TVP23A: variants seen among roughly 807,000 people sequenced by gnomAD.
TVP23A encodes the protein trans-golgi network vesicle protein 23 homolog A.
TVP23A carries 21 observed loss-of-function variants against 31.7 expected under a neutral mutation model. The ratio of observed to expected loss-of-function variants is 0.66; its 90% CI spans 0.47 to 0.95. The LOEUF is 0.95. Ranked by LOEUF, TVP23A falls within the 40% of genes least tolerant of loss-of-function variation. The pLI is 0.00. For synonymous variants in TVP23A, 104 were observed against 96.0 expected (o/e 1.08, Z -0.49); for missense variants, 279 against 255.6 (o/e 1.09, Z -0.62).
chr16:10,772,463 G>C (rs1298443406), intron 5 of TVP23A, among the ~76,000 whole-genome samples: 1 of 152,078 alleles, frequency 6.6e-6, no homozygotes, highest in Non-Finnish European at 1.5e-5. Context: ...TCCGCCTCCT[G>C]GGTTCAAGCG....
downstream of TVP23A, among the ~76,000 whole-genome samples, chr16:10,765,615 G>A (rs2030764059): frequency 6.6e-6 from 1 of 152,196 alleles, no homozygotes; most frequent in African/African-American, 2.4e-5. This position sits in a 1 kb window ranked among gnomAD's most constrained non-coding sequence, Gnocchi z 4.0. Context: ...AGTGACCTTG[G>A]GGCTATTAGA....
At position 10,773,005 on chromosome 16, in the gene TVP23A, G is replaced by C. The variant is rs546081922; in HGVS notation, c.453+308C>G. Among the ~76,000 whole-genome samples, 7 of 152,116 alleles carry C rather than the reference G, an allele frequency of 4.6e-5. No homozygotes were observed. In the East Asian group the frequency reaches 1.4e-3, roughly 29 times the overall value. On this transcript the variant is annotated intron_variant, in intron 5 of 7. Coordinates refer to ENST00000299866, the MANE Select transcript of TVP23A (RefSeq NM_001079512.4). ...TCAAGCGTGCACACCATCATGCCTG[G>C]CTAATTTTTGCATTTTTTGCAGAGA...
chr16:10,759,464 T>G (rs1900792569), downstream of TVP23A, among the ~76,000 whole-genome samples: 1 of 152,170 alleles, frequency 6.6e-6, no homozygotes, highest in Non-Finnish European at 1.5e-5. The surrounding 1 kb of genome is among the most constrained non-coding windows in gnomAD (Gnocchi z 4.7). Context: ...TAGGAATGTT[T>G]TCTGTCCCAT....
intron 2 of TVP23A, among the ~76,000 whole-genome samples, chr16:10,794,365 C>G (rs996945413): frequency 1.3e-5 from 2 of 152,210 alleles, no homozygotes; most frequent in African/African-American, 4.8e-5. Flanking sequence ...AGACCCCAGT[C>G]ATACTGGATT....
chr16:10,803,502 G>T (rs2033807146), intron 2 of TVP23A, among the ~76,000 whole-genome samples: 1 of 152,082 alleles, frequency 6.6e-6, no homozygotes. Flanking sequence ...GAGTGGTTTC[G>T]ACCCAGTGTG....
At chr16:10,816,669 C>T (rs1214295891) in intron 2 of TVP23A, among the ~76,000 whole-genome samples, 1 of 151,822 alleles carries the variant, frequency 6.6e-6, no homozygotes, top group African/African-American at 2.4e-5. Context: ...CAAAGGTTAT[C>T]CTAGATTATC....
At chr16:10,789,962 G>C (rs1001124509) in intron 2 of TVP23A, among the ~76,000 whole-genome samples, 6 of 152,186 alleles carry the variant, frequency 3.9e-5, no homozygotes, top group African/African-American at 1.4e-4. Context: ...AAATTTTCTG[G>C]TTGACAATTG....
chr16:10,818,082 C>G lies in TVP23A; in HGVS notation c.89+21G>C. 1.9e-6 allele frequency: 3 copies of G among 1,596,908 alleles called. No homozygotes were observed. Among genetic ancestry groups the G allele is most frequent in the Non-Finnish European group, 1.7e-6 (2 of 1,170,420 alleles). On this transcript the variant is annotated intron_variant, in intron 2 of 7. Coordinates refer to ENST00000299866, the MANE Select transcript of TVP23A (RefSeq NM_001079512.4). The surrounding 1 kb of genome is among the most constrained non-coding windows in gnomAD (Gnocchi z 4.7). ...TTTGCAGCTTTGGGGAACGCCTGAC[C>G]CAAGCTCCATCCCAACACACCTGAT...
intron 2 of TVP23A, among the ~76,000 whole-genome samples, chr16:10,790,781 T>G (rs556009954): frequency 2.0e-5 from 3 of 152,314 alleles, no homozygotes; most frequent in African/African-American, 7.2e-5. Context: ...AGTCCTCAAA[T>G]GTAGTTTGCG....
intron 2 of TVP23A, among the ~76,000 whole-genome samples, chr16:10,790,279 A>ATT (rs376916439): frequency 0.028 from 3,180 of 114,446 alleles, 83 homozygotes; most frequent in African/African-American, 0.051. Flanking sequence ...TTGGGGTAAA[A>ATT]TTTTTTTTTT....
chr16:10,796,533 C>T (rs911145200), intron 2 of TVP23A, among the ~76,000 whole-genome samples: 2 of 152,076 alleles, frequency 1.3e-5, no homozygotes, highest in African/African-American at 4.8e-5. Context: ...CCCGGGTTCA[C>T]ACCATTCTCC....
intron 2 of TVP23A, among the ~76,000 whole-genome samples, chr16:10,799,002 C>G (rs1008063968): frequency 7.9e-5 from 12 of 152,268 alleles, no homozygotes; most frequent in Admixed American, 7.8e-4. Flanking sequence ...CTCATTCTCC[C>G]TAGGGCAAGC....
At chr16:10,771,618 A>C (rs2031627334) in intron 6 of TVP23A, 52 bp downstream of exon 6, 1 of 1,603,640 alleles carries the variant, frequency 6.2e-7, no homozygotes, top group Non-Finnish European at 8.5e-7. Context: ...GGCCACCTTG[A>C]CTTTGACTAC....
chr16:10,818,304 G>C lies in TVP23A; in HGVS notation c.10-122C>G, dbSNP rs1305967362. Reference sequence around the variant, plus strand: ...CACCGGGTTCCCAAGTGGACCCTCCGAGCTGGCGGGGCCCCTCCGCTGCGG... The same window carrying C: ...CACCGGGTTCCCAAGTGGACCCTCCCAGCTGGCGGGGCCCCTCCGCTGCGG... On this transcript the variant is annotated intron_variant, in intron 1 of 7. Coordinates refer to ENST00000299866, the MANE Select transcript of TVP23A (RefSeq NM_001079512.4). This position sits in a 1 kb window ranked among gnomAD's most constrained non-coding sequence, Gnocchi z 4.7. 2 of 1,087,702 alleles carry C rather than the reference G, an allele frequency of 1.8e-6. No individual in the cohort carries two copies. The highest frequency in any genetic ancestry group is 2.5e-6 in the Non-Finnish European group (2 of 803,018). 67.4% of individuals were successfully genotyped at this position (1,087,702 alleles called of 1,614,324 possible).
At chr16:10,815,394 A>G (rs1179138050) in intron 2 of TVP23A, among the ~76,000 whole-genome samples, 1 of 152,234 alleles carries the variant, frequency 6.6e-6, no homozygotes, top group Non-Finnish European at 1.5e-5. Context: ...CGTGGGTGAC[A>G]GTGAGACTCC....
At chr16:10,795,620 T>C (rs2033346431) in intron 2 of TVP23A, among the ~76,000 whole-genome samples, 1 of 152,172 alleles carries the variant, frequency 6.6e-6, no homozygotes, top group African/African-American at 2.4e-5. Flanking sequence ...CTCATTACTT[T>C]GAAAACTGAG....
rs957155016 is a variant in TVP23A, at chr16:10,777,911, T to C, written c.90-2815A>G. Among the ~76,000 whole-genome samples, 2 of 152,142 alleles carry C rather than the reference T, an allele frequency of 1.3e-5. No homozygotes were observed. The highest frequency in any genetic ancestry group is 1.9e-4 in the East Asian group (1 of 5,188). ...CTGTAGTCCCAGCTACTCGGGACGCTGAGGCAGGAGAATTGCTTGAATCTG... is the reference window on the plus strand; with the variant it reads ...CTGTAGTCCCAGCTACTCGGGACGCCGAGGCAGGAGAATTGCTTGAATCTG... On this transcript the variant is annotated intron_variant, in intron 2 of 7. Coordinates refer to ENST00000299866, the MANE Select transcript of TVP23A (RefSeq NM_001079512.4). This position sits in a 1 kb window ranked among gnomAD's most constrained non-coding sequence, Gnocchi z 4.5.
At chr16:10,804,549 A>G (rs1465955385) in intron 2 of TVP23A, among the ~76,000 whole-genome samples, 1 of 152,190 alleles carries the variant, frequency 6.6e-6, no homozygotes, top group Non-Finnish European at 1.5e-5. Flanking sequence ...GGAGTCTGAG[A>G]CCAGCCTAGG....
chr16:10,793,159 C>T (rs866693026), intron 2 of TVP23A, among the ~76,000 whole-genome samples: 7 of 152,028 alleles, frequency 4.6e-5, no homozygotes, highest in East Asian at 3.9e-4. Flanking sequence ...CATCGTGGCA[C>T]GCACCTGTAA....
Sources: gnomAD v4.1 joint callset for allele counts (sites outside exome capture counted in the v4.1 genomes callset) on GRCh38, gnomAD v4.1.1 for gene constraint, Gnocchi (gnomAD v3.1) non-coding constraint, MANE v1.5 for transcripts, NCBI Gene and HGNC (gene_info 2026-07-23, HGNC 2026-07-21) for gene names.